Variants in RNF220 observed in about 807,000 individuals in gnomAD.
The protein encoded by RNF220 is ring finger protein 220.
Under a neutral mutation model 67.1 loss-of-function variants are expected in RNF220, and 7 were observed. That is an observed-to-expected ratio of 0.10 (90% confidence interval 0.06 to 0.20). The LOEUF (loss-of-function observed/expected upper bound fraction) is 0.20, where lower values mean the gene tolerates loss of function less well. Ranked by LOEUF, RNF220 falls within the 10% of genes least tolerant of loss-of-function variation. The pLI is 1.00. For synonymous variants in RNF220, 270 were observed against 283.2 expected (o/e 0.95, Z 0.47); for missense variants, 565 against 740.3 (o/e 0.76, Z 2.75).
At chr1:44,590,707 G>A (rs1456608480) in intron 2 of RNF220, among the ~76,000 whole-genome samples, 1 of 152,186 alleles carries the variant, frequency 6.6e-6, no homozygotes. Context: ...GGAAGCGGGG[G>A]GGCCAGGGAG....
chr1:44,640,818 C>T (rs1467693446), intron 8 of RNF220, among the ~76,000 whole-genome samples: 3 of 152,224 alleles, frequency 2.0e-5, no homozygotes, highest in Non-Finnish European at 4.4e-5. Context: ...CAGTGTAAAA[C>T]TCGCCGGAAG....
At position 44,494,433 on chromosome 1, in the gene RNF220, A is replaced by T. The variant is rs549478293; in HGVS notation, c.625+81711A>T. On this transcript the variant is annotated intron_variant, in intron 2 of 14. Transcript: ENST00000361799. ...TTGCAGCATTGTTTGAAACAGCAAA[A>T]GTTTGAGACAACCTAAATGTTCCTC... Among the ~76,000 whole-genome samples, 33 of 152,296 alleles carry T rather than the reference A, an allele frequency of 2.2e-4. No individual in the cohort carries two copies. The South Asian group carries it at 6.8e-3, about 32-fold the overall frequency.
intron 2 of RNF220, among the ~76,000 whole-genome samples, chr1:44,538,987 C>T (rs1661460463): frequency 6.7e-6 from 1 of 148,924 alleles, no homozygotes. Flanking sequence ...TTGAGAGGCC[C>T]AGGTGGGCGG....
chr1:44,503,728 G>C (rs1658148563), intron 2 of RNF220, among the ~76,000 whole-genome samples: 1 of 152,234 alleles, frequency 6.6e-6, no homozygotes. Flanking sequence ...TTTTAGGCTA[G>C]TGTTTTCAAA....
intron 4 of RNF220, 80 bp from the exon 5 acceptor site, chr1:44,626,217 G>A (rs1643933646): frequency 9.4e-7 from 1 of 1,064,192 alleles, no homozygotes; most frequent in Non-Finnish European, 1.4e-6. Context: ...GCTCCCCAAA[G>A]CACCACAGGA....
intron 2 of RNF220, among the ~76,000 whole-genome samples, chr1:44,489,013 G>T (rs1656611914): frequency 6.6e-6 from 1 of 152,130 alleles, no homozygotes; most frequent in Admixed American, 6.6e-5. Context: ...TTGCAAGTGT[G>T]AGCCACCACT....
chr1:44,512,124 G>A (rs967030042), intron 2 of RNF220, among the ~76,000 whole-genome samples: 1 of 152,154 alleles, frequency 6.6e-6, no homozygotes, highest in Admixed American at 6.5e-5. Flanking sequence ...AAGAAAAATC[G>A]ATGGCAGGGA....
intron 8 of RNF220, among the ~76,000 whole-genome samples, chr1:44,640,884 G>A (rs1244516804): frequency 2.0e-5 from 3 of 152,172 alleles, no homozygotes; most frequent in Non-Finnish European, 4.4e-5. Flanking sequence ...GCCCCGAGAC[G>A]TTTCCTTTCT....
At chr1:44,474,208 C>A (rs1655074696) in intron 2 of RNF220, among the ~76,000 whole-genome samples, 1 of 151,910 alleles carries the variant, frequency 6.6e-6, no homozygotes, top group South Asian at 2.1e-4. Context: ...AACCCCGTCT[C>A]TACTAAAAAT....
chr1:44,418,073 T>C (rs1039498605), intron 2 of RNF220, among the ~76,000 whole-genome samples: 9 of 152,098 alleles, frequency 5.9e-5, no homozygotes, highest in Non-Finnish European at 1.3e-4. Context: ...CCGATCGGTT[T>C]CCTCTACGCC....
At chr1:44,630,953 T>A (rs377240794) in intron 5 of RNF220, among the ~76,000 whole-genome samples, 1 of 152,126 alleles carries the variant, frequency 6.6e-6, no homozygotes, top group Non-Finnish European at 1.5e-5. Context: ...TTGTGTGTAG[T>A]GTGGAGGATG....
intron 2 of RNF220, among the ~76,000 whole-genome samples, chr1:44,493,033 C>T (rs1018185081): frequency 6.6e-6 from 1 of 151,934 alleles, no homozygotes; most frequent in African/African-American, 2.4e-5. Flanking sequence ...GCTGGGACTA[C>T]AAATGCATGC....
At chr1:44,563,554 G>A (rs1337167496) in intron 2 of RNF220, among the ~76,000 whole-genome samples, 2 of 152,170 alleles carry the variant, frequency 1.3e-5, no homozygotes, top group African/African-American at 4.8e-5. Flanking sequence ...TGGGTTCTGT[G>A]ACACTAGTGT....
In RNF220 at chr1:44,632,379, C is replaced by A. The variant is rs752073639; in HGVS notation, c.943C>A (p.Leu315Met). 1.9e-6 allele frequency: 3 copies of A among 1,613,704 alleles called. No homozygotes were observed. In the African/African-American group the frequency reaches 4.0e-5, roughly 22 times the overall value. Residue 315 changes from leucine (L) to methionine (M), a missense_variant, in exon 6 of 15, where the codon CTG becomes ATG. Coordinates refer to ENST00000361799, the MANE Select transcript of RNF220 (RefSeq NM_018150.4). Reference sequence around the variant, plus strand: ...AGTACGAGCCAACCGGCAGACCCGACTGAATGGTGAGTCCTGCCCGGCCCC... The same window carrying A: ...AGTACGAGCCAACCGGCAGACCCGAATGAATGGTGAGTCCTGCCCGGCCCC... ...LRVRANRQTR[L>M]NARIGKMKRR...
intron 5 of RNF220, 120 bp downstream of exon 5, chr1:44,626,518 T>C (rs1210138011): frequency 2.6e-6 from 2 of 773,570 alleles, no homozygotes; most frequent in Non-Finnish European, 4.4e-6. Context: ...TGAACTGGGT[T>C]TGGTTCCCCC....
At chr1:44,598,341 C>T (rs17382948) in intron 2 of RNF220, among the ~76,000 whole-genome samples, 40,941 of 152,084 alleles carry the variant, frequency 0.27, 5,894 homozygotes, top group Middle Eastern at 0.4. Flanking sequence ...GAGGCTAATG[C>T]GGTAAGTGAC....
At chr1:44,425,502 T>C (rs1649670476) in intron 2 of RNF220, among the ~76,000 whole-genome samples, 1 of 152,076 alleles carries the variant, frequency 6.6e-6, no homozygotes, top group African/African-American at 2.4e-5. Flanking sequence ...CCACACAGGA[T>C]CCACCACAAC....
intron 2 of RNF220, among the ~76,000 whole-genome samples, chr1:44,506,466 G>T (rs555286151): frequency 4.6e-4 from 70 of 152,376 alleles, no homozygotes; most frequent in African/African-American, 1.6e-3. Flanking sequence ...GAGGGCAGGG[G>T]TGGGGTGAGG....
intron 5 of RNF220, among the ~76,000 whole-genome samples, chr1:44,628,049 T>C (rs72671949): frequency 0.043 from 6,525 of 152,304 alleles, 319 homozygotes; most frequent in African/African-American, 0.1. Context: ...AATAAGCCCC[T>C]GGGAGACACT....
Sources: gnomAD v4.1 joint callset for allele counts (sites outside exome capture counted in the v4.1 genomes callset) on GRCh38, gnomAD v4.1.1 for gene constraint, MANE v1.5 for transcripts, NCBI Gene and HGNC (gene_info 2026-07-23, HGNC 2026-07-21) for gene names.